KATNAL2: variants seen among roughly 807,000 people sequenced by gnomAD.
KATNAL2 encodes katanin p60 ATPase-containing subunit A-like 2.
Under a neutral mutation model 76.3 loss-of-function variants are expected in KATNAL2, and 52 were observed. The observed-to-expected ratio is 0.68, with a 90% CI of 0.55 to 0.86. The LOEUF is 0.86. KATNAL2 is among the 40% of genes least tolerant of loss of function. The pLI is 0.00. For missense variants in KATNAL2, 660 were observed against 668.9 expected (o/e 0.99, Z 0.15); for synonymous variants, 243 against 244.2 (o/e 1.00, Z 0.05).
At chr18:46,963,804 TGA>T in intron 3 of KATNAL2, 1 of 769,780 alleles carries the variant, frequency 1.3e-6, no homozygotes, top group Non-Finnish European at 1.8e-6. Context: ...AGGCCCGCCC[TGA>T]GCGGCGTGAG....
intron 1 of KATNAL2, among the ~76,000 whole-genome samples, chr18:46,918,312 C>T (rs780318575): frequency 6.6e-6 from 1 of 152,086 alleles, no homozygotes; most frequent in Non-Finnish European, 1.5e-5. Flanking sequence ...TGGGTGGAAC[C>T]CACACACGAG....
intron 4 of KATNAL2, among the ~76,000 whole-genome samples, chr18:47,049,331 T>C (rs1054472196): frequency 2.6e-5 from 4 of 152,238 alleles, no homozygotes; most frequent in Non-Finnish European, 5.9e-5. Context: ...CTTCTATTAT[T>C]GATAGGATTT....
At chr18:46,931,136 TAATA>T (rs1555824605) in intron 1 of KATNAL2, among the ~76,000 whole-genome samples, 6 of 132,768 alleles carry the variant, frequency 4.5e-5, no homozygotes, top group African/African-American at 1.7e-4. Context: ...ATAATAATAA[TAATA>T]AATAAATAAA....
chr18:47,100,134 T>G (rs1282202066), intron 16 of KATNAL2, 120 bp from the exon 17 acceptor site: 1 of 670,768 alleles, frequency 1.5e-6, no homozygotes, highest in Non-Finnish European at 2.6e-6. Flanking sequence ...TTTTAGGATG[T>G]TCATGGGTGA....
intron 1 of KATNAL2, among the ~76,000 whole-genome samples, chr18:46,934,209 T>C (rs2059022111): frequency 6.6e-6 from 1 of 152,192 alleles, no homozygotes; most frequent in Non-Finnish European, 1.5e-5. Context: ...TCTAGATCTC[T>C]GAGGAATCGC....
intron 10 of KATNAL2, among the ~76,000 whole-genome samples, chr18:47,064,148 G>A (rs571197160): frequency 6.6e-6 from 1 of 152,010 alleles, no homozygotes; most frequent in African/African-American, 2.4e-5. Flanking sequence ...GGTGTGTGCT[G>A]TGGGCTGGAG....
chr18:46,954,976 C>A (rs1175424602), intron 3 of KATNAL2, among the ~76,000 whole-genome samples: 2 of 151,792 alleles, frequency 1.3e-5, no homozygotes, highest in Non-Finnish European at 2.9e-5. Context: ...GGCTTCTTTC[C>A]CTGTAGGTGT....
chr18:46,952,400 T>TG (rs910943094), intron 3 of KATNAL2, among the ~76,000 whole-genome samples: 7 of 133,510 alleles, frequency 5.2e-5, no homozygotes, highest in African/African-American at 2.0e-4. Flanking sequence ...TATGTTTTTT[T>TG]TTTTTTTTTT....
At chr18:46,961,239 C>T (rs905787017) in intron 3 of KATNAL2, among the ~76,000 whole-genome samples, 1 of 138,650 alleles carries the variant, frequency 7.2e-6, no homozygotes, top group African/African-American at 2.7e-5. Flanking sequence ...TAACTTTTCG[C>T]TTTCTCCCTT....
At chr18:46,940,873 A>G (rs2146622949) in intron 1 of KATNAL2, among the ~76,000 whole-genome samples, 1 of 152,198 alleles carries the variant, frequency 6.6e-6, no homozygotes, top group East Asian at 1.9e-4. Flanking sequence ...AAAAATTTAA[A>G]AATTACCTGT....
intron 3 of KATNAL2, among the ~76,000 whole-genome samples, chr18:46,948,300 C>T (rs1006973318): frequency 6.7e-6 from 1 of 148,608 alleles, no homozygotes; most frequent in Non-Finnish European, 1.5e-5. Context: ...TTAGTAGAGA[C>T]AGGGTTTCAC....
chr18:47,084,312 A>G, intron 15 of KATNAL2: 2 of 702,790 alleles, frequency 2.8e-6, no homozygotes, highest in Non-Finnish European at 5.2e-6. Context: ...AAGCAGATGT[A>G]ACCCTTGTTC....
At chr18:47,071,489 T>A (rs575064538) in intron 13 of KATNAL2, among the ~76,000 whole-genome samples, 17 of 152,218 alleles carry the variant, frequency 1.1e-4, no homozygotes, top group African/African-American at 3.4e-4. Context: ...ACTAGAATTC[T>A]TATCACCCTG....
chr18:46,948,922 G>C (rs1483033169), intron 3 of KATNAL2, among the ~76,000 whole-genome samples: 1 of 151,182 alleles, frequency 6.6e-6, no homozygotes, highest in Non-Finnish European at 1.5e-5. Context: ...GTGTGTGTTT[G>C]AGACAGGGTT....
At chr18:46,925,997 A>C (rs2058717355) in intron 1 of KATNAL2, among the ~76,000 whole-genome samples, 2 of 152,106 alleles carry the variant, frequency 1.3e-5, no homozygotes, top group South Asian at 2.1e-4. Context: ...TAGTCTTCCT[A>C]GCGGTCTATC....
At chr18:46,962,348 G>A (rs1478087936) in intron 3 of KATNAL2, among the ~76,000 whole-genome samples, 4 of 107,062 alleles carry the variant, frequency 3.7e-5, no homozygotes, top group Non-Finnish European at 7.1e-5. Context: ...TTGCGTAGTC[G>A]GAGTTATCAG....
chr18:47,075,208 TTACTC>T, intron 13 of KATNAL2, 64 bp from the exon 14 acceptor site: 1 of 1,268,168 alleles, frequency 7.9e-7, no homozygotes, highest in Non-Finnish European at 1.1e-6. Context: ...TTCTAAGTTT[TTACTC>T]TGGGAGCATC....
At chr18:47,048,716 C>T (rs1263062213) in intron 4 of KATNAL2, among the ~76,000 whole-genome samples, 1 of 152,128 alleles carries the variant, frequency 6.6e-6, no homozygotes, top group African/African-American at 2.4e-5. Flanking sequence ...GTAAAGTAAC[C>T]CCAAGGGTAG....
chr18:47,081,938 T>C (rs548523117), intron 15 of KATNAL2, among the ~76,000 whole-genome samples: 2 of 152,338 alleles, frequency 1.3e-5, no homozygotes, highest in South Asian at 4.1e-4. Flanking sequence ...AATGAGTCCA[T>C]GCTAGTATTT....
Sources: gnomAD v4.1 joint callset for allele counts (sites outside exome capture counted in the v4.1 genomes callset) on GRCh38, gnomAD v4.1.1 for gene constraint, MANE v1.5 for transcripts, NCBI Gene and HGNC (gene_info 2026-07-23, HGNC 2026-07-21) for gene names.